GNPAT: variants seen among roughly 807,000 people sequenced by gnomAD.
The protein encoded by GNPAT is dihydroxyacetone phosphate acyltransferase.
Under a neutral mutation model 78.4 loss-of-function variants are expected in GNPAT, and 30 were observed. The observed-to-expected ratio is 0.38, with a 90% confidence interval of 0.29 to 0.52. GNPAT has a LOEUF of 0.52. Ranked by LOEUF, GNPAT falls within the 20% of genes least tolerant of loss-of-function variation. The pLI, the probability that GNPAT is intolerant of heterozygous loss-of-function variation, is 0.84. For synonymous variants in GNPAT, 271 were observed against 281.1 expected (o/e 0.96, Z 0.36); for missense variants, 714 against 812.2 (o/e 0.88, Z 1.47).
intron 2 of GNPAT, among the ~76,000 whole-genome samples, chr1:231,255,253 T>G (rs577099594): frequency 2.0e-5 from 3 of 152,228 alleles, no homozygotes; most frequent in African/African-American, 7.2e-5. Flanking sequence ...CTCTCCTGAC[T>G]ATCCCTTCTT....
chr1:231,249,160 A>G (rs1467739423), intron 1 of GNPAT, among the ~76,000 whole-genome samples: 1 of 152,234 alleles, frequency 6.6e-6, no homozygotes, highest in African/African-American at 2.4e-5. Flanking sequence ...GCAAACTGAT[A>G]CAACTATATA....
intron 2 of GNPAT, among the ~76,000 whole-genome samples, chr1:231,251,548 CT>C (rs752648613): frequency 6.6e-6 from 1 of 152,204 alleles, no homozygotes; most frequent in African/African-American, 2.4e-5. Flanking sequence ...AAACAAATAA[CT>C]TATTCCTGTG....
At chr1:231,260,396 G>C (rs1212377676) in intron 2 of GNPAT, 111 bp from the exon 3 acceptor site, 1 of 781,622 alleles carries the variant, frequency 1.3e-6, no homozygotes, top group African/African-American at 1.7e-5. Context: ...CACTATCTTT[G>C]AGTTATAGAA....
intron 10 of GNPAT, among the ~76,000 whole-genome samples, 183 bp from the exon 11 acceptor site, chr1:231,272,129 G>A (rs1020102982): frequency 1.3e-5 from 2 of 152,082 alleles, no homozygotes; most frequent in Admixed American, 6.6e-5. Context: ...ATGCTAGACC[G>A]TAGTTTGCTC....
At chr1:231,252,956 G>GT (rs764575295) in intron 2 of GNPAT, among the ~76,000 whole-genome samples, 3 of 151,874 alleles carry the variant, frequency 2.0e-5, no homozygotes, top group Non-Finnish European at 4.4e-5. Context: ...GTTACCTCCA[G>GT]TTTTTTTGTT....
At chr1:231,272,974 C>A (rs1685609453) in intron 11 of GNPAT, among the ~76,000 whole-genome samples, 1 of 150,720 alleles carries the variant, frequency 6.6e-6, no homozygotes, top group Non-Finnish European at 1.5e-5. Flanking sequence ...GACTCCATCT[C>A]AAAAAAAAAG....
intron 2 of GNPAT, among the ~76,000 whole-genome samples, chr1:231,258,738 CT>C (rs1423422662): frequency 7.3e-6 from 1 of 137,144 alleles, no homozygotes; most frequent in East Asian, 2.4e-4. Context: ...TTACATCATT[CT>C]CCTGCCTCAG....
chr1:231,249,318 G>A (rs1684830283), intron 1 of GNPAT, among the ~76,000 whole-genome samples: 1 of 152,140 alleles, frequency 6.6e-6, no homozygotes, highest in Non-Finnish European at 1.5e-5. Flanking sequence ...ACATAAAAAT[G>A]TTCATGTTTG....
chr1:231,241,953 T>G (rs1179774419), intron 1 of GNPAT, among the ~76,000 whole-genome samples: 1 of 152,246 alleles, frequency 6.6e-6, no homozygotes, highest in Non-Finnish European at 1.5e-5. Context: ...TCAGGAAAAT[T>G]TAGAACTTCT....
intron 2 of GNPAT, among the ~76,000 whole-genome samples, chr1:231,253,958 G>A (rs972413971): frequency 5.9e-5 from 9 of 152,126 alleles, no homozygotes; most frequent in Non-Finnish European, 1.2e-4. Flanking sequence ...GATTACAGGC[G>A]CCTGCCACCA....
intron 15 of GNPAT, among the ~76,000 whole-genome samples, chr1:231,276,740 T>C (rs1355350264): frequency 6.6e-6 from 1 of 152,210 alleles, no homozygotes; most frequent in Non-Finnish European, 1.5e-5. Context: ...TAAGAGTCCT[T>C]GAGTGTTGAC....
chr1:231,255,835 T>C (rs899334576), intron 2 of GNPAT, among the ~76,000 whole-genome samples: 4 of 152,210 alleles, frequency 2.6e-5, no homozygotes, highest in Admixed American at 6.5e-5. Context: ...GTCATGGCTC[T>C]TTCTGAGGTT....
intron 11 of GNPAT, among the ~76,000 whole-genome samples, chr1:231,273,342 C>T (rs982239087): frequency 2.0e-5 from 3 of 150,342 alleles, no homozygotes; most frequent in Admixed American, 6.6e-5. Context: ...AGCTCTGCCT[C>T]CCGGGTTCAC....
Position 231,256,549 on chromosome 1 carries a change from C to T in GNPAT, c.262-3958C>T, listed in dbSNP as rs1040476953. Among the ~76,000 whole-genome samples, 16 of 126,414 alleles carry T rather than the reference C, an allele frequency of 1.3e-4. No individual in the cohort carries two copies. In the South Asian group the frequency reaches 1.6e-3, roughly 13 times the overall value. 82.9% of individuals were successfully genotyped at this position (126,414 alleles called of 152,430 possible). ...TTGCCCAGGCTGGAGTGCAGTGGCGCGATCTGGGCTCACTGCAAGTTCCGC... is the reference window on the plus strand; with the variant it reads ...TTGCCCAGGCTGGAGTGCAGTGGCGTGATCTGGGCTCACTGCAAGTTCCGC... On this transcript the variant is annotated intron_variant, in intron 2 of 15. Coordinates refer to ENST00000366647, the MANE Select transcript of GNPAT (RefSeq NM_014236.4).
At chr1:231,260,019 C>G (rs552986972) in intron 2 of GNPAT, among the ~76,000 whole-genome samples, 7 of 152,210 alleles carry the variant, frequency 4.6e-5, no homozygotes, top group Non-Finnish European at 8.8e-5. Context: ...CTTTATTTCA[C>G]TAATTATCCT....
intron 11 of GNPAT, among the ~76,000 whole-genome samples, chr1:231,273,248 CT>C (rs574185259): frequency 0.035 from 4,258 of 122,716 alleles, 59 homozygotes; most frequent in African/African-American, 0.072. Context: ...GTGTTGGAAA[CT>C]TTTTTTTTTT....
At chr1:231,269,544 G>T (rs1282459176) in intron 9 of GNPAT, among the ~76,000 whole-genome samples, 1 of 152,126 alleles carries the variant, frequency 6.6e-6, no homozygotes, top group Non-Finnish European at 1.5e-5. Context: ...AGATGAGGAG[G>T]ATTTACTGAC....
intron 1 of GNPAT, among the ~76,000 whole-genome samples, chr1:231,242,299 C>G (rs540700176): frequency 1.3e-5 from 2 of 152,270 alleles, no homozygotes; most frequent in East Asian, 3.9e-4. Context: ...ATTTTAAAAG[C>G]ATATTAGCAT....
At chr1:231,276,099 G>A (rs1342547266) in intron 14 of GNPAT, 36 bp from the exon 15 acceptor site, 1 of 900,888 alleles carries the variant, frequency 1.1e-6, no homozygotes, top group Non-Finnish European at 1.8e-6. Context: ...TTTCCCCAGA[G>A]TTTATGTAAT....
Sources: allele counts gnomAD v4.1 joint callset (sites outside exome capture counted in the v4.1 genomes callset), GRCh38; gene constraint gnomAD v4.1.1; transcripts MANE v1.5; gene names NCBI Gene and HGNC (gene_info 2026-07-23, HGNC 2026-07-21).